The following PC variants were observed in gnomAD, a reference collection of about 807,000 sequenced individuals.
PC encodes the protein pyruvate carboxylase.
Under a neutral mutation model 107.8 loss-of-function variants are expected in PC, and 46 were observed. The ratio of observed to expected loss-of-function variants is 0.43; its 90% CI spans 0.34 to 0.55. The LOEUF (loss-of-function observed/expected upper bound fraction) is 0.55. Ranked by LOEUF, PC falls within the 20% of genes least tolerant of loss-of-function variation. The pLI, the probability that PC is intolerant of heterozygous loss-of-function variation, is 0.04. For missense variants in PC, 1,241 were observed against 1,643.1 expected, an observed-to-expected ratio of 0.76 and a Z score of 4.23; for synonymous variants, 662 against 684.7, an observed-to-expected ratio of 0.97 and a Z score of 0.52.
At position 66,926,828 on chromosome 11, in the gene PC, C is replaced by A. The variant is rs1040847404; in HGVS notation, c.-1+25602G>T. 2.7e-5 allele frequency among the ~76,000 whole-genome samples: 4 copies of A among 147,776 alleles called. No homozygotes were observed. The East Asian group carries it at 8.3e-4, about 31-fold the overall frequency. On this transcript the variant is annotated intron_variant, in intron 3 of 22. Coordinates refer to ENST00000393960, the MANE Select transcript of PC (RefSeq NM_001040716.2). Reference sequence around the variant, plus strand: ...ATAGTATGTGACCTTTTGTGTCTGGCTTCTTTTGCTTAGCACAATGTTTTC... The same window carrying A: ...ATAGTATGTGACCTTTTGTGTCTGGATTCTTTTGCTTAGCACAATGTTTTC...
At chr11:66,877,779 A>G (rs1486120199) in intron 3 of PC, among the ~76,000 whole-genome samples, 1 of 152,260 alleles carries the variant, frequency 6.6e-6, no homozygotes, top group African/African-American at 2.4e-5. Context: ...GACATGGGAA[A>G]TGCTTGTGAT....
At chr11:66,863,426 G>A (rs1313681055) in intron 12 of PC, among the ~76,000 whole-genome samples, 3 of 152,234 alleles carry the variant, frequency 2.0e-5, no homozygotes, top group African/African-American at 7.2e-5. Flanking sequence ...ATTTCCAGAA[G>A]GGAAGCCTGA....
intron 3 of PC, among the ~76,000 whole-genome samples, chr11:66,906,526 C>T (rs1948168797): frequency 6.6e-6 from 1 of 152,192 alleles, no homozygotes; most frequent in South Asian, 2.1e-4. Flanking sequence ...GGGAGAAAGG[C>T]ATGTTCTTAA....
In PC at chr11:66,870,684, G is replaced by T; in HGVS notation, c.751+91C>A. 1 of 1,340,392 alleles carries T rather than the reference G, an allele frequency of 7.5e-7. No homozygotes were observed. Among genetic ancestry groups the T allele is most frequent in the Non-Finnish European group, 1.1e-6 (1 of 942,946 alleles). The allele number at this position is 1,340,392 out of a possible 1,614,324, so 83.0% of individuals were successfully genotyped here. On this transcript the variant is annotated intron_variant, in intron 8 of 22. Coordinates refer to ENST00000393960, the MANE Select transcript of PC (RefSeq NM_001040716.2). The surrounding 1 kb of genome is among the most constrained non-coding windows in gnomAD (Gnocchi z 6.1). ...AAAGCGCCCGACAGGCCCCAGGGCTGTCCCCAAGGCCAGCCACTGTGACGG... is the reference window on the plus strand; with the variant it reads ...AAAGCGCCCGACAGGCCCCAGGGCTTTCCCCAAGGCCAGCCACTGTGACGG...
chr11:66,901,117 C>T (rs1057388416), intron 3 of PC, among the ~76,000 whole-genome samples: 1 of 152,180 alleles, frequency 6.6e-6, no homozygotes, highest in Non-Finnish European at 1.5e-5. Context: ...CTTTCCACAC[C>T]TGCTGAGTGG....
At chr11:66,939,815 A>AC (rs1477807097) in intron 3 of PC, among the ~76,000 whole-genome samples, 1 of 150,426 alleles carries the variant, frequency 6.6e-6, no homozygotes, top group Non-Finnish European at 1.5e-5. Flanking sequence ...AAAAAAAAAA[A>AC]AAAAAAAAAA....
At chr11:66,859,103 C>G in intron 12 of PC, 1 of 1,482,976 alleles carries the variant, frequency 6.7e-7, no homozygotes, top group Non-Finnish European at 9.0e-7. Flanking sequence ...GGTGAGGATG[C>G]GTGCCCCACA....
intron 3 of PC, among the ~76,000 whole-genome samples, chr11:66,940,816 A>T (rs1949111488): frequency 6.6e-6 from 1 of 152,160 alleles, no homozygotes; most frequent in South Asian, 2.1e-4. Context: ...GGCCAGGCAC[A>T]GTGGCTCACG....
chr11:66,903,190 T>A (rs542152923), intron 3 of PC, among the ~76,000 whole-genome samples: 1 of 152,312 alleles, frequency 6.6e-6, no homozygotes, highest in African/African-American at 2.4e-5. Context: ...AGGGCCAGAC[T>A]GCCTTTCCCA....
intron 3 of PC, among the ~76,000 whole-genome samples, chr11:66,944,234 T>C (rs1949231969): frequency 8.7e-6 from 1 of 114,828 alleles, no homozygotes; most frequent in South Asian, 2.5e-4. Flanking sequence ...TGAGCCGAGA[T>C]TGCACCACTG....
chr11:66,890,085 C>G (rs913570746), intron 3 of PC, among the ~76,000 whole-genome samples: 5 of 152,164 alleles, frequency 3.3e-5, no homozygotes, highest in Admixed American at 3.3e-4. Context: ...TGCTGAAACC[C>G]TAACCAATGT....
chr11:66,849,816 G>A lies in PC; in HGVS notation c.2942C>T (p.Ser981Phe), dbSNP rs1057035880. 1.2e-6 allele frequency: 2 copies of A among 1,613,778 alleles called. No individual in the cohort carries two copies. Among genetic ancestry groups the A allele is most frequent in the African/African-American group, 2.7e-5 (2 of 74,918 alleles). The change falls in exon 21 of 23, where the codon TCC becomes TTC. Residue 981 changes from serine to phenylalanine, a missense_variant. By Grantham distance (155) the Ser-to-Phe change is radical. Around this residue, in one of 2 missense-constraint regions of PC, gnomAD observed 1,143 missense variants for 1,551.9 expected, o/e 0.74. Coordinates refer to ENST00000393960, the MANE Select transcript of PC (RefSeq NM_001040716.2). ...TGCCTGCAGATCCAGGGGAGGGAGG[G>A]AGGCTCCAGGCCGCCCCTCCACCCT... Reference protein sequence around the residue: ...LPRVEGRPGASLPPLDLQALE... With the variant: ...LPRVEGRPGAFLPPLDLQALE...
intron 3 of PC, among the ~76,000 whole-genome samples, chr11:66,910,375 G>A (rs1246762439): frequency 6.6e-6 from 1 of 152,144 alleles, no homozygotes; most frequent in Non-Finnish European, 1.5e-5. Flanking sequence ...CCCTTCTAAT[G>A]GCCTTGGTCC....
In PC at chr11:66,851,017, G is replaced by A. The variant is rs748325275; in HGVS notation, c.2223+23C>T. 10 of 1,611,636 alleles carry A rather than the reference G, an allele frequency of 6.2e-6. No homozygotes were observed. In the South Asian group the frequency reaches 9.9e-5, roughly 16 times the overall value. On this transcript the variant is annotated intron_variant, in intron 17 of 22. Transcript: ENST00000393960. ...GGACATGGCCGGGGCAGAGAGGGAG[G>A]GACGGACAAGTGGCCCAGGCACCTT...
chr11:66,883,068 C>T lies in PC; in HGVS notation c.1-10909G>A, dbSNP rs116818518. Among the ~76,000 whole-genome samples the T allele has an allele frequency of 9.3e-3, 1,414 of 152,332 alleles. 27 individuals are homozygous for T. The highest frequency in any genetic ancestry group is 0.032 in the African/African-American group (1,310 of 41,572). On this transcript the variant is annotated intron_variant, in intron 3 of 22. Coordinates refer to ENST00000393960, the MANE Select transcript of PC (RefSeq NM_001040716.2). ...CCGGGCTCTGGGCCCCCAGGAGCGC[C>T]GGCTGCTCCAAGTGGCACTGCGGCG... is the stretch of plus-strand genomic sequence containing the variant.
intron 3 of PC, among the ~76,000 whole-genome samples, chr11:66,890,769 C>A (rs1224768173): frequency 2.0e-5 from 3 of 151,474 alleles, no homozygotes; most frequent in Non-Finnish European, 2.9e-5. Context: ...CCTCCCAAAG[C>A]GCTGGGATTA....
At chr11:66,909,819 C>T (rs1323747960) in intron 3 of PC, among the ~76,000 whole-genome samples, 2 of 151,788 alleles carry the variant, frequency 1.3e-5, no homozygotes, top group South Asian at 2.1e-4. Flanking sequence ...AGAGGACCGG[C>T]GGGAAGGGAA....
chr11:66,940,885 G>C (rs748719483), intron 3 of PC, among the ~76,000 whole-genome samples: 111 of 151,584 alleles, frequency 7.3e-4, no homozygotes, highest in Middle Eastern at 3.4e-3. Context: ...TCAGGAGATC[G>C]AGACCAGCCT....
chr11:66,883,870 G>A (rs1470844682), intron 3 of PC, among the ~76,000 whole-genome samples: 2 of 152,118 alleles, frequency 1.3e-5, no homozygotes, highest in Non-Finnish European at 2.9e-5. Flanking sequence ...GGTATCACTT[G>A]AGTCTAGGAG....
Sources: allele counts gnomAD v4.1 joint callset (sites outside exome capture counted in the v4.1 genomes callset), GRCh38; gene constraint gnomAD v4.1.1; regional missense constraint gnomAD v4.1.1; non-coding constraint Gnocchi (gnomAD v3.1); transcripts MANE v1.5; gene names NCBI Gene and HGNC (gene_info 2026-07-23, HGNC 2026-07-21).